TMC5: variants seen among roughly 807,000 people sequenced by gnomAD.
TMC5 encodes transmembrane channel like 5, also known as transmembrane channel-like protein 5.
TMC5 carries 86 observed loss-of-function variants against 110.5 expected under a neutral mutation model. The observed-to-expected ratio is 0.78, with a 90% confidence interval of 0.65 to 0.93. TMC5 has a LOEUF of 0.93. Among genes scored for constraint, TMC5 ranks in the 40% least tolerant of loss-of-function variants. The probability of loss-of-function intolerance (pLI) is 0.00; values close to 1 mark genes in which losing one functional copy is unlikely to be tolerated. For missense variants in TMC5, 1,144 were observed against 1,222.8 expected, an observed-to-expected ratio of 0.94 and a Z score of 0.96; for synonymous variants, 455 against 439.5, an observed-to-expected ratio of 1.04 and a Z score of -0.44.
intron 7 of TMC5, 122 bp downstream of exon 7, chr16:19,463,489 CG>C: frequency 1.1e-6 from 1 of 930,388 alleles, no homozygotes; most frequent in Non-Finnish European, 1.7e-6. Flanking sequence ...CCAGAGCCAA[CG>C]GTTAGTACAG....
intron 1 of TMC5, among the ~76,000 whole-genome samples, chr16:19,427,302 A>T (rs1967105478): frequency 1.3e-5 from 2 of 152,176 alleles, no homozygotes; most frequent in South Asian, 4.1e-4. Flanking sequence ...AATTAAATTT[A>T]ATAGTTGGGC....
chr16:19,497,840 T>C, intron 21 of TMC5, 80 bp from the exon 22 acceptor site: 2 of 1,344,542 alleles, frequency 1.5e-6, no homozygotes, highest in Admixed American at 4.0e-5. Context: ...TATGGAATCT[T>C]GAAGGCAAGC....
At chr16:19,426,681 C>T (rs1967094117) in intron 1 of TMC5, among the ~76,000 whole-genome samples, 1 of 152,178 alleles carries the variant, frequency 6.6e-6, no homozygotes, top group African/African-American at 2.4e-5. Context: ...ACAAGTAACC[C>T]ACAAACCCAC....
At chr16:19,431,209 A>T (rs1430623041) in intron 2 of TMC5, among the ~76,000 whole-genome samples, 1 of 152,124 alleles carries the variant, frequency 6.6e-6, no homozygotes, top group Non-Finnish European at 1.5e-5. Context: ...TAAGAGGTTA[A>T]TCATGGGTTT....
chr16:19,456,917 C>T (rs144558525), intron 5 of TMC5: 92 of 1,614,166 alleles, frequency 5.7e-5, no homozygotes, highest in Admixed American at 4.2e-4. Flanking sequence ...CCAGGTGCTG[C>T]GGTTTTCAAC....
Position 19,491,278 on chromosome 16 carries a change from G to A in TMC5, c.2747+710G>A, listed in dbSNP as rs371016759. Among the ~76,000 whole-genome samples, 75 of 152,138 alleles carry A rather than the reference G, an allele frequency of 4.9e-4. No homozygotes were observed. The East Asian group carries it at 0.013, about 26-fold the overall frequency. On this transcript the variant is annotated intron_variant, in intron 18 of 21. Transcript: ENST00000542583. Reference sequence around the variant, plus strand: ...TCCTGCCTCAGCTTCTCAAAGTGTTGGGATTACAGGTGTTAGCCACCTTGC... The same window carrying A: ...TCCTGCCTCAGCTTCTCAAAGTGTTAGGATTACAGGTGTTAGCCACCTTGC...
chr16:19,479,593 G>A, intron 14 of TMC5, 65 bp downstream of exon 14: 1 of 1,167,006 alleles, frequency 8.6e-7, no homozygotes, highest in Non-Finnish European at 1.3e-6. Flanking sequence ...ATTCCTGGCT[G>A]AGTGGGACAT....
At chr16:19,465,361 C>T (rs1968160516) in intron 8 of TMC5, among the ~76,000 whole-genome samples, 1 of 151,940 alleles carries the variant, frequency 6.6e-6, no homozygotes, top group East Asian at 1.9e-4. Context: ...TGGCAAAACC[C>T]CATCTCTACT....
At chr16:19,456,158 GA>G (rs1274925070) in intron 5 of TMC5, among the ~76,000 whole-genome samples, 1 of 151,736 alleles carries the variant, frequency 6.6e-6, no homozygotes, top group African/African-American at 2.4e-5. Context: ...AGTGAGCTGA[GA>G]TCGCGCCACT....
chr16:19,433,263 G>A (rs980172946), intron 2 of TMC5, among the ~76,000 whole-genome samples: 1 of 152,242 alleles, frequency 6.6e-6, no homozygotes, highest in African/African-American at 2.4e-5. Flanking sequence ...CAGGAACCCG[G>A]GCTGGTGACT....
intron 5 of TMC5, among the ~76,000 whole-genome samples, chr16:19,455,200 C>T (rs1967837248): frequency 6.6e-6 from 1 of 151,828 alleles, no homozygotes; most frequent in South Asian, 2.1e-4. Context: ...GTAATCTCAG[C>T]ACTTTGGGAG....
rs573697902 is a variant in TMC5, at chr16:19,462,791, G to A, written c.1149-489G>A. 4.2e-4 allele frequency among the ~76,000 whole-genome samples: 64 copies of A among 151,782 alleles called. 1 individual carries two copies. The highest frequency in any genetic ancestry group is 5.8e-4 in the East Asian group (3 of 5,160). The stretch of plus-strand genomic sequence containing the variant: ...TGGGCGCCTGTAATCCCAGCTACTC[G>A]GGAGGCTGAGGCAGGAGAATCGCTT... On this transcript the variant is annotated intron_variant, in intron 6 of 21. Transcript: ENST00000542583.
At position 19,420,121 on chromosome 16, in the gene TMC5, A is replaced by G. The variant is rs529337092; in HGVS notation, c.-308+2029A>G. 2.6e-5 allele frequency among the ~76,000 whole-genome samples: 4 copies of G among 152,130 alleles called. No homozygotes were observed. In the South Asian group the frequency reaches 8.3e-4, roughly 32 times the overall value. On this transcript the variant is annotated intron_variant, in intron 1 of 21. Coordinates refer to ENST00000542583, the MANE Select transcript of TMC5 (RefSeq NM_001261841.2). ...GGACTACAGGCGTGCACCACCATTA[A>G]TGATTAAAAATCAACTAATTTTAGG...
chr16:19,449,812 C>G (rs1024698897), intron 5 of TMC5, among the ~76,000 whole-genome samples, 181 bp downstream of exon 5: 1 of 152,086 alleles, frequency 6.6e-6, no homozygotes, highest in Non-Finnish European at 1.5e-5. Context: ...TGACAGCTTC[C>G]CCTGCACCCA....
chr16:19,478,616 A>G (rs1597208932), intron 13 of TMC5, among the ~76,000 whole-genome samples: 1 of 152,108 alleles, frequency 6.6e-6, no homozygotes, highest in African/African-American at 2.4e-5. Context: ...CCATCCATCC[A>G]TATATTTATC....
At position 19,474,160 on chromosome 16, in the gene TMC5, G is replaced by T; in HGVS notation, c.1974G>T (p.Leu658=). 6.2e-7 allele frequency: 1 copy of T among 1,614,034 alleles called. No individual in the cohort carries two copies. The highest frequency in any genetic ancestry group is 8.5e-7 in the Non-Finnish European group (1 of 1,180,006). ...LKTHSNPGAV[L]LLPFVVSCIN... ...CACACAGTAACCCTGGGGCGGTGCT[G>T]TTACTGCCTTTCGTTGTGTCCTGCA... The change falls in exon 12 of 22, where the codon CTG becomes CTT. Residue 658 remains leucine (L), a synonymous_variant. Transcript: ENST00000542583.
chr16:19,497,286 CT>C, intron 21 of TMC5, 123 bp downstream of exon 21: 1 of 1,020,758 alleles, frequency 9.8e-7, no homozygotes, highest in Non-Finnish European at 1.5e-6. Context: ...TCCAAACTGG[CT>C]TAAACAAAAT....
At chr16:19,476,123 G>A (rs1968483183) in intron 12 of TMC5, among the ~76,000 whole-genome samples, 1 of 152,120 alleles carries the variant, frequency 6.6e-6, no homozygotes, top group Non-Finnish European at 1.5e-5. Context: ...CAAGGTGGGA[G>A]GATTGCTTGA....
At chr16:19,484,082 CAAA>C (rs758360425) in intron 15 of TMC5, among the ~76,000 whole-genome samples, 14 of 70,788 alleles carry the variant, frequency 2.0e-4, no homozygotes, top group Middle Eastern at 7.2e-3. Context: ...AACTCTGTCT[CAAA>C]AAAAAAAAAA....
Sources: allele counts gnomAD v4.1 joint callset (sites outside exome capture counted in the v4.1 genomes callset), GRCh38; gene constraint gnomAD v4.1.1; transcripts MANE v1.5; gene names NCBI Gene and HGNC (gene_info 2026-07-23, HGNC 2026-07-21).